The following PTPRT variants were observed in gnomAD, a reference collection of about 807,000 sequenced individuals.
PTPRT encodes the protein protein tyrosine phosphatase receptor type T.
Under a neutral mutation model 176.8 loss-of-function variants are expected in PTPRT, and 56 were observed. The ratio of observed to expected loss-of-function variants is 0.32; its 90% confidence interval spans 0.26 to 0.40. The LOEUF is 0.40. Ranked by LOEUF, PTPRT falls within the 10% of genes least tolerant of loss-of-function variation. PTPRT has a pLI of 1.00. For missense variants in PTPRT, 1,540 were observed against 1,908.2 expected (o/e 0.81, Z 3.60); for synonymous variants, 783 against 739.0 (o/e 1.06, Z -0.96).
At chr20:42,484,166 C>T (rs1476093465) in intron 7 of PTPRT, among the ~76,000 whole-genome samples, 2 of 152,186 alleles carry the variant, frequency 1.3e-5, no homozygotes, top group Admixed American at 6.5e-5. Context: ...TCTTTATATA[C>T]AGTTAACCAG....
At chr20:42,890,641 G>A (rs747400852) in intron 1 of PTPRT, among the ~76,000 whole-genome samples, 2 of 152,054 alleles carry the variant, frequency 1.3e-5, no homozygotes, top group Non-Finnish European at 2.9e-5. Context: ...CCCCTGGACC[G>A]AGAACAGAAA....
chr20:42,703,810 C>T lies in PTPRT; in HGVS notation c.860-25651G>A, dbSNP rs148718000. ...TGCCACCTCTACTTGCCCCTGCACA[C>T]GAGCTCTCTGCGGCTTCCTACTGTG... On this transcript the variant is annotated intron_variant, in intron 6 of 30. Transcript: ENST00000373187. 2.6e-5 allele frequency among the ~76,000 whole-genome samples: 4 copies of T among 152,248 alleles called. No individual in the cohort carries two copies. In the East Asian group the frequency reaches 7.7e-4, roughly 29 times the overall value.
chr20:42,112,207 CGGGGG>C (rs1987037137), intron 22 of PTPRT, among the ~76,000 whole-genome samples: 1 of 152,162 alleles, frequency 6.6e-6, no homozygotes, highest in Non-Finnish European at 1.5e-5. Context: ...GTGGGTGGAT[CGGGGG>C]TTGCAGAGAG....
intron 2 of PTPRT, among the ~76,000 whole-genome samples, chr20:42,807,666 T>C (rs937104689): frequency 1.3e-5 from 2 of 152,158 alleles, no homozygotes; most frequent in African/African-American, 4.8e-5. Context: ...ACAACAGGTG[T>C]GGGCGAAAAT....
At chr20:43,181,926 T>G (rs988243709) in intron 1 of PTPRT, among the ~76,000 whole-genome samples, 5 of 152,114 alleles carry the variant, frequency 3.3e-5, no homozygotes, top group African/African-American at 1.2e-4. Context: ...TTGAAGGAGC[T>G]TCCAATAGCC....
chr20:42,472,496 C>CA lies in PTPRT; in HGVS notation c.1219dup (p.Trp407LeufsTer13). 1 of 1,614,232 alleles carries CA rather than the reference C, an allele frequency of 6.2e-7. No homozygotes were observed. The highest frequency in any genetic ancestry group is 8.5e-7 in the Non-Finnish European group (1 of 1,180,044). On this transcript the variant is annotated frameshift_variant, in exon 8 of 31. Transcript: ENST00000373187. LOFTEE classifies it high-confidence loss of function. Reference sequence around the variant, plus strand: ...GGTCACCGCGTAGCCGAAGGGCTCCCACTGCAGGGTCAGCTGCCGGGCTCT... The same window carrying CA: ...GGTCACCGCGTAGCCGAAGGGCTCCCAACTGCAGGGTCAGCTGCCGGGCTCT...
intron 2 of PTPRT, among the ~76,000 whole-genome samples, chr20:42,831,032 T>G (rs1466229387): frequency 6.6e-6 from 1 of 152,136 alleles, no homozygotes; most frequent in East Asian, 1.9e-4. Context: ...AAAATCTATT[T>G]TAATATTCAT....
chr20:42,734,879 C>T (rs2076514983), intron 6 of PTPRT, among the ~76,000 whole-genome samples: 1 of 152,188 alleles, frequency 6.6e-6, no homozygotes, highest in African/African-American at 2.4e-5. Context: ...GGAACTGGCA[C>T]ACCATCCCTT....
chr20:42,602,075 A>G (rs1480953019), intron 7 of PTPRT, among the ~76,000 whole-genome samples: 1 of 152,188 alleles, frequency 6.6e-6, no homozygotes, highest in Non-Finnish European at 1.5e-5. Flanking sequence ...CTGCTTCTCA[A>G]TGTCTTTGCC....
At chr20:42,434,209 T>C (rs1373074965) in intron 9 of PTPRT, among the ~76,000 whole-genome samples, 5 of 152,240 alleles carry the variant, frequency 3.3e-5, no homozygotes, top group Non-Finnish European at 7.3e-5. Flanking sequence ...TATTGTTATA[T>C]TGTCACTAAC....
chr20:43,173,142 C>T (rs574372411), intron 1 of PTPRT, among the ~76,000 whole-genome samples: 1 of 152,230 alleles, frequency 6.6e-6, no homozygotes, highest in East Asian at 1.9e-4. Context: ...CTCTTCACCA[C>T]CACATGGTTC....
Position 42,073,777 on chromosome 20 carries a change from A to G in PTPRT, c.*7102T>C, listed in dbSNP as rs1193868375. 9.0e-6 allele frequency: 2 copies of G among 223,292 alleles called. No individual in the cohort carries two copies. The highest frequency in any genetic ancestry group is 1.1e-4 in the Admixed American group (2 of 17,404). The allele number at this position is 223,292 out of a possible 1,614,324, so 13.8% of individuals were successfully genotyped here. The stretch of plus-strand genomic sequence containing the variant: ...AGCCTGTACAGACCAAACACAATCT[A>G]CTTGGATTCGTGCTCTACAGGTATG... On this transcript the variant is annotated 3_prime_UTR_variant, in exon 31 of 31. Transcript: ENST00000373187.
At chr20:43,157,925 T>G (rs913495987) in intron 1 of PTPRT, among the ~76,000 whole-genome samples, 3 of 152,128 alleles carry the variant, frequency 2.0e-5, no homozygotes, top group Non-Finnish European at 2.9e-5. Context: ...ACTGTGGTTT[T>G]GCTGAGTGAG....
At chr20:42,190,198 G>A (rs1162806192) in intron 16 of PTPRT, among the ~76,000 whole-genome samples, 3 of 152,128 alleles carry the variant, frequency 2.0e-5, no homozygotes, top group African/African-American at 7.2e-5. Context: ...CCTGCAAACA[G>A]GATTTTTGCA....
chr20:42,511,925 A>C (rs1159093672), intron 7 of PTPRT, among the ~76,000 whole-genome samples: 2 of 152,090 alleles, frequency 1.3e-5, no homozygotes, highest in Non-Finnish European at 2.9e-5. Flanking sequence ...TTATCATTCA[A>C]AGTTTGTACA....
intron 1 of PTPRT, among the ~76,000 whole-genome samples, chr20:42,956,904 C>A (rs1338727638): frequency 6.6e-6 from 1 of 152,114 alleles, no homozygotes; most frequent in African/African-American, 2.4e-5. Context: ...AATGAGTGTT[C>A]CTTCATTCAG....
At chr20:42,182,724 C>T (rs1350848277) in intron 16 of PTPRT, among the ~76,000 whole-genome samples, 1 of 152,168 alleles carries the variant, frequency 6.6e-6, no homozygotes, top group Non-Finnish European at 1.5e-5. Flanking sequence ...CCAGGTATCA[C>T]ACCCTCAAAA....
intron 7 of PTPRT, among the ~76,000 whole-genome samples, chr20:42,542,170 T>C (rs1362191406): frequency 2.0e-5 from 3 of 149,172 alleles, no homozygotes; most frequent in East Asian, 2.0e-4. Context: ...GAACTGTAAG[T>C]AAATTAAGCC....
chr20:43,083,767 C>G (rs1293222311), intron 1 of PTPRT, among the ~76,000 whole-genome samples: 1 of 152,148 alleles, frequency 6.6e-6, no homozygotes, highest in Non-Finnish European at 1.5e-5. Flanking sequence ...ATCCTTCATG[C>G]CTGTTCACAG....
Sources: gnomAD v4.1 joint callset for allele counts (sites outside exome capture counted in the v4.1 genomes callset) on GRCh38, gnomAD v4.1.1 for gene constraint, MANE v1.5 for transcripts, NCBI Gene and HGNC (gene_info 2026-07-23, HGNC 2026-07-21) for gene names.